TOGARAM2: variants seen among roughly 807,000 people sequenced by gnomAD.
TOGARAM2 encodes TOG array regulator of axonemal microtubules protein 2.
In TOGARAM2, 85 loss-of-function variants were observed where a neutral mutation model predicts 93.3. The observed-to-expected ratio is 0.91, with a 90% CI of 0.76 to 1.09. The LOEUF is 1.09. Among genes scored for constraint, TOGARAM2 ranks in the 50% least tolerant of loss-of-function variants. TOGARAM2 has a pLI of 0.00. For synonymous variants in TOGARAM2, 593 were observed against 552.8 expected (o/e 1.07, Z -1.02); for missense variants, 1,277 against 1,334.5 (o/e 0.96, Z 0.67).
chr2:29,051,733 G>T, intron 19 of TOGARAM2, 23 bp from the exon 20 acceptor site: 2 of 1,460,074 alleles, frequency 1.4e-6, no homozygotes, highest in South Asian at 2.9e-5. Flanking sequence ...TGGCTCAAGT[G>T]ACTCTCCTTT....
At chr2:28,968,072 G>A (rs1329040212) in intron 1 of TOGARAM2, among the ~76,000 whole-genome samples, 1 of 152,014 alleles carries the variant, frequency 6.6e-6, no homozygotes, top group Non-Finnish European at 1.5e-5. Flanking sequence ...GCCCGCCTTG[G>A]CCTCCAAAAG....
intron 1 of TOGARAM2, among the ~76,000 whole-genome samples, chr2:28,991,427 T>C (rs7567935): frequency 0.83 from 126,302 of 152,128 alleles, 52,591 homozygotes; most frequent in Middle Eastern, 0.86. Context: ...TTGTAAACGC[T>C]GCCACCTTTC....
At chr2:29,037,404 G>A (rs1307901407) in intron 18 of TOGARAM2, among the ~76,000 whole-genome samples, 3 of 152,186 alleles carry the variant, frequency 2.0e-5, no homozygotes, top group Admixed American at 1.3e-4. Context: ...GTACAAGGAC[G>A]AGCTTTCCCA....
At chr2:29,027,489 A>G (rs1412500439) in intron 14 of TOGARAM2, among the ~76,000 whole-genome samples, 2 of 152,018 alleles carry the variant, frequency 1.3e-5, no homozygotes, top group African/African-American at 4.8e-5. Context: ...AATAGGCCGG[A>G]TGTGGTTGTT....
In TOGARAM2 at chr2:29,045,408, C is replaced by T. The variant is rs140449715; in HGVS notation, c.2720C>T (p.Ala907Val). Residue 907 changes from alanine (A) to valine (V), a missense_variant and splice_region_variant, in exon 19 of 20, where the codon GCA (alanine) becomes GTA (valine). Transcript: ENST00000379558. ...GTGCTGGATGTCACAGATCGCCTGG[C>T]AGGTGAGCACCCCCAGCCCCACCCC... ...RAVLDVTDRL[A>V]VLVASVYPRK... The T allele has an allele frequency of 1.3e-4, 211 of 1,612,796 alleles. No homozygotes were observed. The highest frequency in any genetic ancestry group is 1.7e-4 in the Non-Finnish European group (198 of 1,179,818).
chr2:28,964,817 T>C (rs946584492), intron 1 of TOGARAM2, among the ~76,000 whole-genome samples: 3 of 152,238 alleles, frequency 2.0e-5, no homozygotes, highest in Non-Finnish European at 4.4e-5. Flanking sequence ...AAGAACATTA[T>C]CTCATTCCTT....
At chr2:28,965,347 T>G (rs914395866) in intron 1 of TOGARAM2, among the ~76,000 whole-genome samples, 3 of 152,216 alleles carry the variant, frequency 2.0e-5, no homozygotes, top group East Asian at 3.8e-4. Context: ...CTTTTCCCCC[T>G]TCTTCTCATG....
At position 28,984,901 on chromosome 2, in the gene TOGARAM2, A is replaced by G. The variant is rs565933586; in HGVS notation, c.-111+3363A>G. 5.4e-4 allele frequency among the ~76,000 whole-genome samples: 82 copies of G among 152,278 alleles called. 1 individual carries two copies. Among genetic ancestry groups the G allele is most frequent in the Non-Finnish European group, 1.2e-4 (8 of 68,012 alleles). On this transcript the variant is annotated intron_variant, in intron 1 of 19. Transcript: ENST00000379558. ...ACCATTTTGGGGAGGCCTTGATGGG[A>G]AGCTGGAAAAGGAAGCTTTCCTCCC...
chr2:29,004,892 A>ATGTGTGAGTGCATG lies in TOGARAM2; in HGVS notation c.830+1217_830+1230dup, dbSNP rs149344765. 3.5e-3 allele frequency among the ~76,000 whole-genome samples: 377 copies of ATGTGTGAGTGCATG among 108,064 alleles called. 88 individuals carry two copies. The highest frequency in any genetic ancestry group is 7.2e-3 in the South Asian group (24 of 3,320). 70.9% of individuals were successfully genotyped at this position (108,064 alleles called of 152,430 possible). On this transcript the variant is annotated intron_variant, in intron 6 of 19. Coordinates refer to ENST00000379558, the MANE Select transcript of TOGARAM2 (RefSeq NM_199280.4). The stretch of plus-strand genomic sequence containing the variant: ...GCATGTGTGTGGAGTGTATGTGTAC[A>ATGTGTGAGTGCATG]TGTGTGAGTGCATGTGTGTGCATGT...
At chr2:28,994,227 G>A (rs1050100738) in intron 1 of TOGARAM2, among the ~76,000 whole-genome samples, 6 of 152,136 alleles carry the variant, frequency 3.9e-5, no homozygotes, top group Non-Finnish European at 7.4e-5. Context: ...CAGGTGAGAA[G>A]GAGCACCAAG....
intron 1 of TOGARAM2, among the ~76,000 whole-genome samples, chr2:28,967,724 G>C (rs1671886385): frequency 6.7e-6 from 1 of 150,146 alleles, no homozygotes; most frequent in South Asian, 2.1e-4. Context: ...CCTTCCACGA[G>C]TGTCAATTTC....
intron 10 of TOGARAM2, chr2:29,018,655 C>A (rs1384137290): frequency 6.6e-6 from 1 of 152,212 alleles, no homozygotes; most frequent in Non-Finnish European, 1.5e-5. Context: ...GCTCATCTCC[C>A]TTTTCAATCC....
intron 10 of TOGARAM2, among the ~76,000 whole-genome samples, chr2:29,021,101 A>G (rs1037251311): frequency 6.6e-6 from 1 of 152,110 alleles, no homozygotes; most frequent in Non-Finnish European, 1.5e-5. Context: ...TTTAGTAAAG[A>G]CAGGGTTTCA....
chr2:28,988,869 GC>G (rs1672584861), intron 1 of TOGARAM2, among the ~76,000 whole-genome samples: 1 of 152,076 alleles, frequency 6.6e-6, no homozygotes, highest in Admixed American at 6.5e-5. Flanking sequence ...CATCCAATTG[GC>G]TGAGCTGACA....
chr2:28,995,454 G>A (rs565451322), intron 2 of TOGARAM2, among the ~76,000 whole-genome samples: 2 of 152,220 alleles, frequency 1.3e-5, no homozygotes, highest in African/African-American at 4.8e-5. Flanking sequence ...TGGAAGGAAG[G>A]CAGAGAAGCA....
intron 6 of TOGARAM2, 91 bp downstream of exon 6, chr2:29,003,773 C>G (rs1673459106): frequency 8.2e-7 from 1 of 1,216,054 alleles, no homozygotes. Context: ...ACCCTCCATG[C>G]TGTGGCAGAG....
chr2:28,984,072 G>A (rs779320343), intron 1 of TOGARAM2, among the ~76,000 whole-genome samples: 24 of 151,458 alleles, frequency 1.6e-4, no homozygotes, highest in Non-Finnish European at 7.4e-5. Context: ...CTTCTTCTTG[G>A]AGAACCAATC....
chr2:29,003,781 G>T, intron 6 of TOGARAM2, 99 bp downstream of exon 6: 15 of 1,131,206 alleles, frequency 1.3e-5, no homozygotes, highest in Non-Finnish European at 1.7e-5. Context: ...TGCTGTGGCA[G>T]AGTTCTTGGG....
At chr2:28,996,899 C>G (rs922066210) in intron 2 of TOGARAM2, among the ~76,000 whole-genome samples, 3 of 150,964 alleles carry the variant, frequency 2.0e-5, no homozygotes, top group Non-Finnish European at 4.4e-5. Flanking sequence ...TTTTTATGGC[C>G]TAATAGTATC....
Sources: allele counts gnomAD v4.1 joint callset (sites outside exome capture counted in the v4.1 genomes callset), GRCh38; gene constraint gnomAD v4.1.1; transcripts MANE v1.5; gene names NCBI Gene and HGNC (gene_info 2026-07-23, HGNC 2026-07-21).